Variants in HDAC4 observed in about 807,000 individuals in gnomAD.
The protein encoded by HDAC4 is histone deacetylase 4, also known as histone deacetylase A.
HDAC4 carries 16 observed loss-of-function variants against 135.1 expected under a neutral mutation model. That is an observed-to-expected ratio of 0.12 (90% confidence interval 0.08 to 0.18). The LOEUF (loss-of-function observed/expected upper bound fraction) is 0.18. Among genes scored for constraint, HDAC4 ranks in the 10% least tolerant of loss-of-function variants. The probability of loss-of-function intolerance (pLI) is 1.00; values close to 1 mark genes in which losing one functional copy is unlikely to be tolerated. For synonymous variants in HDAC4, 685 were observed against 653.4 expected (o/e 1.05, Z -0.74); for missense variants, 1,143 against 1,511.8 (o/e 0.76, Z 4.05).
chr2:239,165,596 A>C (rs79683313), intron 5 of HDAC4, among the ~76,000 whole-genome samples: 25,607 of 152,148 alleles, frequency 0.17, 3,071 homozygotes, highest in Non-Finnish European at 0.24. Context: ...TCGGCCTCGC[A>C]TGAGAGCTAT....
chr2:239,391,439 C>T lies in HDAC4; in HGVS notation c.-220+9539G>A, dbSNP rs1575802661. Among the ~76,000 whole-genome samples, 4 of 152,304 alleles carry T rather than the reference C, an allele frequency of 2.6e-5. 1 individual carries two copies. In the South Asian group the frequency reaches 8.3e-4, roughly 32 times the overall value. On this transcript the variant is annotated intron_variant, in intron 1 of 26. Transcript: ENST00000543185. ...AAAGTCCTGCAGGTGCATCCAAGGCCCGGTCAGCAGCAGGCCCCGGGCAGG... is the reference window on the plus strand; with the variant it reads ...AAAGTCCTGCAGGTGCATCCAAGGCTCGGTCAGCAGCAGGCCCCGGGCAGG...
chr2:239,086,701 G>A (rs2035999595), intron 19 of HDAC4, among the ~76,000 whole-genome samples: 1 of 152,198 alleles, frequency 6.6e-6, no homozygotes, highest in Admixed American at 6.5e-5. Context: ...CTGCTTCCTG[G>A]CCACAGCCTG....
In HDAC4 at chr2:239,146,021, C is replaced by G. The variant is rs1022021278; in HGVS notation, c.734-1307G>C. On this transcript the variant is annotated intron_variant, in intron 7 of 26. Coordinates refer to ENST00000543185, the MANE Select transcript of HDAC4 (RefSeq NM_001378414.1). The surrounding 1 kb of genome is among the most constrained non-coding windows in gnomAD (Gnocchi z 4.5). ...AGGCGCTGTGAGAAGGTACCAGACTCTAAGCCTCTGCAGGGAGCGAGGCCT... is the reference window on the plus strand; with the variant it reads ...AGGCGCTGTGAGAAGGTACCAGACTGTAAGCCTCTGCAGGGAGCGAGGCCT... 2.6e-5 allele frequency among the ~76,000 whole-genome samples: 4 copies of G among 152,192 alleles called. No individual in the cohort carries two copies. The highest frequency in any genetic ancestry group is 5.9e-5 in the Non-Finnish European group (4 of 68,034).
chr2:239,126,310 G>C, intron 12 of HDAC4, 146 bp downstream of exon 12: 1 of 1,339,130 alleles, frequency 7.5e-7, no homozygotes, highest in South Asian at 1.3e-5. Context: ...TCTGTGCTGT[G>C]GGCCAGAGCA....
At chr2:239,192,711 G>A (rs759829537) in intron 3 of HDAC4, among the ~76,000 whole-genome samples, 11 of 152,142 alleles carry the variant, frequency 7.2e-5, no homozygotes, top group Non-Finnish European at 1.2e-4. Context: ...ATTGGCACGC[G>A]GTTCTCCTGG....
At chr2:239,318,850 G>T (rs1241227428) in intron 2 of HDAC4, among the ~76,000 whole-genome samples, 3 of 152,092 alleles carry the variant, frequency 2.0e-5, no homozygotes, top group Non-Finnish European at 4.4e-5. Flanking sequence ...TCAGATTCAG[G>T]AAGTCCAAAA....
chr2:239,182,920 G>A (rs560803281), intron 4 of HDAC4, among the ~76,000 whole-genome samples: 6 of 152,286 alleles, frequency 3.9e-5, no homozygotes, highest in African/African-American at 9.6e-5. Flanking sequence ...GGGCAGGTGC[G>A]TCACTGGAAT....
intron 18 of HDAC4, 92 bp from the exon 19 acceptor site, chr2:239,087,706 T>A (rs904567096): frequency 4.1e-6 from 5 of 1,209,020 alleles, no homozygotes; most frequent in Admixed American, 3.8e-5. Flanking sequence ...TTTAGCAGAG[T>A]TGGGCTACAC....
intron 20 of HDAC4, among the ~76,000 whole-genome samples, chr2:239,083,338 C>T (rs956285542): frequency 4.6e-5 from 7 of 152,184 alleles, no homozygotes; most frequent in African/African-American, 1.4e-4. Flanking sequence ...GGAGGGCTCC[C>T]GGCTCGCAGG....
At position 239,161,514 on chromosome 2, in the gene HDAC4, G is replaced by T. The variant is rs541219319; in HGVS notation, c.611+2289C>A. The stretch of plus-strand genomic sequence containing the variant: ...TCAGTTCTTTCCCTATGAAGAGCCG[G>T]TTTTCTGACAAAGTTTCTGCCACCA... On this transcript the variant is annotated intron_variant, in intron 6 of 26. Transcript: ENST00000543185. 5.3e-5 allele frequency among the ~76,000 whole-genome samples: 8 copies of T among 152,228 alleles called. No individual in the cohort carries two copies. The South Asian group carries it at 1.7e-3, about 32-fold the overall frequency.
At chr2:239,130,196 G>C (rs1358861015) in intron 11 of HDAC4, among the ~76,000 whole-genome samples, 3 of 152,214 alleles carry the variant, frequency 2.0e-5, no homozygotes, top group Admixed American at 6.5e-5. Flanking sequence ...GATTCGCTTG[G>C]ACCAATCAGC....
At chr2:239,392,409 A>AT (rs970360504) in intron 1 of HDAC4, among the ~76,000 whole-genome samples, 2 of 152,134 alleles carry the variant, frequency 1.3e-5, no homozygotes, top group African/African-American at 4.8e-5. Flanking sequence ...ACCTATGAGG[A>AT]TTTTTTCAGT....
chr2:239,344,752 C>A (rs1692506590), intron 2 of HDAC4, among the ~76,000 whole-genome samples: 1 of 152,174 alleles, frequency 6.6e-6, no homozygotes, highest in Non-Finnish European at 1.5e-5. Flanking sequence ...TGAAACCTTG[C>A]CTTTAGAAAG....
chr2:239,114,441 G>A (rs1050391286), intron 13 of HDAC4, among the ~76,000 whole-genome samples: 4 of 152,246 alleles, frequency 2.6e-5, no homozygotes, highest in Non-Finnish European at 5.9e-5. Context: ...CCAGCTGGCT[G>A]CCCAAATGCC....
chr2:239,081,352 T>C (rs553492729), intron 21 of HDAC4, among the ~76,000 whole-genome samples, 160 bp from the exon 22 acceptor site: 64 of 152,292 alleles, frequency 4.2e-4, no homozygotes, highest in Non-Finnish European at 8.4e-4. Context: ...TTAAGACGCG[T>C]GTGAAGGGGC....
intron 1 of HDAC4, among the ~76,000 whole-genome samples, chr2:239,386,603 C>T (rs1254882704): frequency 1.3e-5 from 2 of 152,184 alleles, no homozygotes; most frequent in African/African-American, 2.4e-5. Flanking sequence ...CGCCAGACCA[C>T]GTCTGGGCCT....
At chr2:239,144,509 G>A in intron 8 of HDAC4, 74 bp downstream of exon 8, 2 of 1,595,058 alleles carry the variant, frequency 1.3e-6, no homozygotes, top group South Asian at 2.2e-5. Flanking sequence ...AGAAGCTCCT[G>A]AGAGAAATCG....
rs71043188 is a variant in HDAC4, at chr2:239,357,888, CAAAAAAAAAAAA to C, written c.-219-4982_-219-4971del. Among the ~76,000 whole-genome samples the C allele has an allele frequency of 6.3e-3, 352 of 55,690 alleles. 1 individual carries two copies. The highest frequency in any genetic ancestry group is 8.8e-3 in the Non-Finnish European group (273 of 31,008). The allele number at this position is 55,690 out of a possible 152,430, so 36.5% of individuals were successfully genotyped here. A position where few individuals can be genotyped will look rare whatever the true frequency, so the allele number is the denominator to read the frequency against. On this transcript the variant is annotated intron_variant, in intron 1 of 26. Coordinates refer to ENST00000543185, the MANE Select transcript of HDAC4 (RefSeq NM_001378414.1). ...TGGGTGACAGAGCAAGCCTCTGTTC[CAAAAAAAAAAAA>C]AAAAAAAAAAAAAAAAAGAGAGTGG... is the stretch of plus-strand genomic sequence containing the variant.
chr2:239,310,641 C>A (rs1213072805), intron 2 of HDAC4, among the ~76,000 whole-genome samples: 1 of 152,180 alleles, frequency 6.6e-6, no homozygotes, highest in Non-Finnish European at 1.5e-5. Context: ...CCTCTGCCCC[C>A]CAGGGAGTAA....
Sources: gnomAD v4.1 joint callset for allele counts (sites outside exome capture counted in the v4.1 genomes callset) on GRCh38, gnomAD v4.1.1 for gene constraint, Gnocchi (gnomAD v3.1) non-coding constraint, MANE v1.5 for transcripts, NCBI Gene and HGNC (gene_info 2026-07-23, HGNC 2026-07-21) for gene names.